UBA6: variants seen among roughly 807,000 people sequenced by gnomAD.
The protein encoded by UBA6 is ubiquitin like modifier activating enzyme 6, also known as ubiquitin-like modifier-activating enzyme 6.
Under a neutral mutation model 148.3 loss-of-function variants are expected in UBA6, and 87 were observed. That is an observed-to-expected ratio of 0.59 (90% CI 0.49 to 0.70). The LOEUF is 0.70. Ranked by LOEUF, UBA6 falls within the 30% of genes least tolerant of loss-of-function variation. UBA6 has a pLI of 0.00. For synonymous variants in UBA6, 376 were observed against 401.0 expected, an observed-to-expected ratio of 0.94 and a Z score of 0.75; for missense variants, 1,186 against 1,241.2, an observed-to-expected ratio of 0.96 and a Z score of 0.67.
chr4:67,686,052 A>G (rs1377205087), intron 2 of UBA6, among the ~76,000 whole-genome samples: 2 of 152,250 alleles, frequency 1.3e-5, no homozygotes, highest in African/African-American at 2.4e-5. Context: ...AGCTGAGAGT[A>G]TAACTGCAAG....
chr4:67,657,147 C>A (rs1015122294), intron 13 of UBA6, among the ~76,000 whole-genome samples: 2 of 152,164 alleles, frequency 1.3e-5, no homozygotes, highest in Non-Finnish European at 2.9e-5. Context: ...CATCAAGCTA[C>A]CAATGACTTT....
chr4:67,661,137 G>A (rs963357818), intron 13 of UBA6, among the ~76,000 whole-genome samples: 1 of 152,160 alleles, frequency 6.6e-6, no homozygotes, highest in Non-Finnish European at 1.5e-5. Context: ...GCCTTGCTCA[G>A]ATAAGACTTT....
At chr4:67,619,547 A>G (rs1464299458) in intron 32 of UBA6, among the ~76,000 whole-genome samples, 1 of 152,178 alleles carries the variant, frequency 6.6e-6, no homozygotes, top group Non-Finnish European at 1.5e-5. Flanking sequence ...ACAGTGGCAC[A>G]TGCCCGTAAT....
At chr4:67,664,884 T>G (rs971004504) in intron 10 of UBA6, among the ~76,000 whole-genome samples, 1 of 152,144 alleles carries the variant, frequency 6.6e-6, no homozygotes, top group Admixed American at 6.5e-5. Flanking sequence ...TTGTAATAAG[T>G]ATGATAAACT....
intron 27 of UBA6, 79 bp downstream of exon 27, chr4:67,628,992 T>C: frequency 1.0e-6 from 1 of 957,402 alleles, no homozygotes; most frequent in Non-Finnish European, 1.7e-6. Flanking sequence ...CATTGTGATA[T>C]TCTCCAGGTT....
At chr4:67,626,533 T>C in intron 27 of UBA6, 56 bp from the exon 28 acceptor site, 1 of 1,108,130 alleles carries the variant, frequency 9.0e-7, no homozygotes, top group Non-Finnish European at 1.3e-6. Context: ...ATCTGTTTGG[T>C]TACCATTTAA....
Position 67,677,731 on chromosome 4 carries a change from AT to A in UBA6, c.354-10del, listed in dbSNP as rs1346909411. The stretch of plus-strand genomic sequence containing the variant: ...TAAGTACAGCTTCAGCCCTAAAAAA[AT>A]AAAATAAATTTTTACTGTTCTTTAA... On this transcript the variant is annotated splice_polypyrimidine_tract_variant and intron_variant, in intron 5 of 32. Transcript: ENST00000322244. 2 of 1,467,988 alleles carry A rather than the reference AT, an allele frequency of 1.4e-6. No homozygotes were observed. Among genetic ancestry groups the A allele is most frequent in the East Asian group, 2.3e-5 (1 of 42,668 alleles). 90.9% of individuals were successfully genotyped at this position (1,467,988 alleles called of 1,614,324 possible). A position where few individuals can be genotyped will look rare whatever the true frequency, so the allele number is the denominator to read the frequency against.
In UBA6 at chr4:67,673,776, C is replaced by T. The variant is rs753948752; in HGVS notation, c.467G>A (p.Cys156Tyr). 3 of 1,601,724 alleles carry T rather than the reference C, an allele frequency of 1.9e-6. No homozygotes were observed. Among genetic ancestry groups the T allele is most frequent in the Non-Finnish European group, 2.6e-6 (3 of 1,172,664 alleles). ...TDLSFLDKYQ[C>Y]VVLTEMKLPL... ...AAGTTTCATCTCAGTCAATACTACA[C>T]ACTGTTGAGAAAACAACAAATTAAA... Residue 156 changes from cysteine to tyrosine, a missense_variant and splice_region_variant, in exon 7 of 33, where the codon TGT becomes TAT. Transcript: ENST00000322244.
At chr4:67,623,033 T>C (rs1319702347) in intron 31 of UBA6, 102 bp downstream of exon 31, 9 of 1,348,706 alleles carry the variant, frequency 6.7e-6, no homozygotes, top group Non-Finnish European at 9.2e-6. Flanking sequence ...AAAAAGCAAA[T>C]TCATGGTAAA....
chr4:67,642,949 G>A (rs1246253079), intron 17 of UBA6, among the ~76,000 whole-genome samples: 1 of 151,442 alleles, frequency 6.6e-6, no homozygotes, highest in Non-Finnish European at 1.5e-5. Context: ...ATTTATCTTC[G>A]ATTTGTCCAT....
chr4:67,622,841 A>G lies in UBA6; in HGVS notation c.3013T>C (p.Leu1005=). ...VPVMPGHAKR[L]KLTMHKLVKP... ...ATGTTGAATACTTACGTTAACTTCA[A>G]TCTTTTTGCATGACCAGGCATTACA... The change falls in exon 32 of 33, where the codon TTG becomes CTG. Residue 1005 remains leucine (L), a synonymous_variant. Coordinates refer to ENST00000322244, the MANE Select transcript of UBA6 (RefSeq NM_018227.6). 6.2e-7 allele frequency: 1 copy of G among 1,609,700 alleles called. No individual in the cohort carries two copies. The highest frequency in any genetic ancestry group is 8.5e-7 in the Non-Finnish European group (1 of 1,178,362).
chr4:67,633,960 T>A (rs1325449271), intron 22 of UBA6, among the ~76,000 whole-genome samples: 1 of 152,086 alleles, frequency 6.6e-6, no homozygotes, highest in African/African-American at 2.4e-5. Context: ...AGCCCTTTTA[T>A]TATTTGTAGC....
At chr4:67,665,146 T>C (rs1292751821) in intron 10 of UBA6, 43 bp downstream of exon 10, 1 of 1,268,884 alleles carries the variant, frequency 7.9e-7, no homozygotes, top group Non-Finnish European at 1.1e-6. Context: ...GCCTTTCTTT[T>C]TCTGTAAAAA....
intron 13 of UBA6, among the ~76,000 whole-genome samples, 187 bp from the exon 14 acceptor site, chr4:67,649,398 G>A (rs949893269): frequency 1.3e-5 from 2 of 152,162 alleles, no homozygotes; most frequent in Non-Finnish European, 2.9e-5. Flanking sequence ...CTTAAGTAGT[G>A]TCTCCCTTTA....
Position 67,613,872 on chromosome 4 carries a change from T to A in UBA6, c.*5125A>T, listed in dbSNP as rs1360330102. 1.3e-5 allele frequency: 2 copies of A among 152,346 alleles called. No homozygotes were observed. Among genetic ancestry groups the A allele is most frequent in the African/African-American group, 4.8e-5 (2 of 41,584 alleles). The allele number at this position is 152,346 out of a possible 1,614,324, so 9.4% of individuals were successfully genotyped here. ...AATCAAAATATTTTACCCCGAAATA[T>A]GTTTCTCTGCCATATCTTGAAATGG... On this transcript the variant is annotated 3_prime_UTR_variant, in exon 33 of 33. Transcript: ENST00000322244.
rs771381537 is a variant in UBA6, at chr4:67,624,140, C to T, written c.2826G>A (p.Arg942=). ...IVVFTETTEV[R]KTKIRNGISF... ...TTCATACATACCTGATTTTAGTTTT[C>T]CTTACTTCAGTTGTCTCTGTAAATA... The change falls in exon 30 of 33, where the codon AGG becomes AGA. Residue 942 remains arginine (R), a synonymous_variant. Coordinates refer to ENST00000322244, the MANE Select transcript of UBA6 (RefSeq NM_018227.6). The T allele has an allele frequency of 1.0e-5, 16 of 1,586,534 alleles. No homozygotes were observed. The highest frequency in any genetic ancestry group is 1.8e-4 in the Middle Eastern group (1 of 5,552).
intron 27 of UBA6, among the ~76,000 whole-genome samples, chr4:67,627,021 T>A (rs1728884314): frequency 6.6e-6 from 1 of 151,974 alleles, no homozygotes; most frequent in Non-Finnish European, 1.5e-5. Context: ...TGACTGCTGT[T>A]AAGTTTTTTC....
At chr4:67,678,004 C>T (rs2109946882) in intron 5 of UBA6, among the ~76,000 whole-genome samples, 1 of 146,538 alleles carries the variant, frequency 6.8e-6, no homozygotes, top group African/African-American at 2.5e-5. Context: ...TTTAGCAACA[C>T]TAAAGTCCTT....
chr4:67,653,913 G>A (rs901060068), intron 13 of UBA6, among the ~76,000 whole-genome samples: 1 of 152,110 alleles, frequency 6.6e-6, no homozygotes, highest in Non-Finnish European at 1.5e-5. Context: ...TAGCTGATTC[G>A]ATCAAATGGA....
Sources: allele counts gnomAD v4.1 joint callset (sites outside exome capture counted in the v4.1 genomes callset), GRCh38; gene constraint gnomAD v4.1.1; transcripts MANE v1.5; gene names NCBI Gene and HGNC (gene_info 2026-07-23, HGNC 2026-07-21).